The following PUS10 variants were observed in gnomAD, a reference collection of about 807,000 sequenced individuals.
PUS10 encodes tRNA pseudouridine synthase Pus10.
In PUS10, 59 loss-of-function variants were observed where a neutral mutation model predicts 75.0. The ratio of observed to expected loss-of-function variants is 0.79; its 90% CI spans 0.64 to 0.98. The LOEUF (loss-of-function observed/expected upper bound fraction) is 0.98. Among genes scored for constraint, PUS10 ranks in the 50% least tolerant of loss-of-function variants. The pLI is 0.00. For missense variants in PUS10, 650 were observed against 614.4 expected, an observed-to-expected ratio of 1.06 and a Z score of -0.61; for synonymous variants, 219 against 211.6, an observed-to-expected ratio of 1.03 and a Z score of -0.30.
At chr2:60,963,381 C>T (rs1676152924) in intron 8 of PUS10, among the ~76,000 whole-genome samples, 1 of 152,214 alleles carries the variant, frequency 6.6e-6, no homozygotes, top group African/African-American at 2.4e-5. Flanking sequence ...CCAGCCCTGG[C>T]ATCTAGCAAC....
intron 4 of PUS10, among the ~76,000 whole-genome samples, chr2:60,977,120 A>G (rs1227239879): frequency 6.6e-6 from 1 of 152,140 alleles, no homozygotes. Flanking sequence ...CACACACACC[A>G]TAGACCAGAA....
intron 15 of PUS10, among the ~76,000 whole-genome samples, chr2:60,948,479 C>T (rs1675128001): frequency 6.6e-6 from 1 of 152,150 alleles, no homozygotes; most frequent in Admixed American, 6.5e-5. Context: ...CTGCCCTCCT[C>T]AGCCTCCAAA....
At chr2:60,964,568 T>C (rs938725729) in intron 8 of PUS10, among the ~76,000 whole-genome samples, 3 of 152,206 alleles carry the variant, frequency 2.0e-5, no homozygotes, top group African/African-American at 7.2e-5. Flanking sequence ...AAAAATGCCC[T>C]TTTTGCAAAT....
chr2:60,976,269 C>T (rs1677027908), intron 4 of PUS10, among the ~76,000 whole-genome samples: 1 of 152,194 alleles, frequency 6.6e-6, no homozygotes, highest in African/African-American at 2.4e-5. Flanking sequence ...CAGATTTATA[C>T]CTTAAAAGAT....
Position 60,961,502 on chromosome 2 carries a change from G to C in PUS10, c.835C>G (p.Leu279Val). ...GCACCATGAGCACATTCAATTTCAA[G>C]AACAGCGCATACAGCCTTTGGTGAG... The part of the protein sequence containing the change: ...PNSPKAVCAV[L>V]EIECAHGAVF... Residue 279 changes from leucine (L) to valine (V), a missense_variant, in exon 10 of 18, where the codon CTT (leucine) becomes GTT (valine). Physicochemically the swap from Leu to Val is conservative, Grantham distance 32. Transcript: ENST00000316752. 1 of 1,614,036 alleles carries C rather than the reference G, an allele frequency of 6.2e-7. No homozygotes were observed. Among genetic ancestry groups the C allele is most frequent in the Non-Finnish European group, 8.5e-7 (1 of 1,179,940 alleles).
At chr2:61,002,579 C>T (rs1262307493) in intron 4 of PUS10, among the ~76,000 whole-genome samples, 1 of 152,206 alleles carries the variant, frequency 6.6e-6, no homozygotes, top group African/African-American at 2.4e-5. Context: ...TCCCAAGGAG[C>T]TGGGACCACA....
At chr2:60,987,594 A>G (rs557730353) in intron 4 of PUS10, among the ~76,000 whole-genome samples, 1 of 152,342 alleles carries the variant, frequency 6.6e-6, no homozygotes, top group Non-Finnish European at 1.5e-5. Context: ...AGCTATTCAT[A>G]TATCACCACT....
intron 4 of PUS10, among the ~76,000 whole-genome samples, chr2:60,987,925 G>GAA (rs1215812241): frequency 3.7e-5 from 5 of 135,154 alleles, no homozygotes; most frequent in Non-Finnish European, 4.8e-5. Context: ...TCTGTCTCAA[G>GAA]AAAAAAAAAA....
chr2:60,946,802 C>T (rs2104121958), intron 16 of PUS10, among the ~76,000 whole-genome samples: 1 of 150,766 alleles, frequency 6.6e-6, no homozygotes, highest in East Asian at 1.9e-4. Flanking sequence ...GTGATTAAAA[C>T]TTGCTTTTTT....
At position 60,966,309 on chromosome 2, in the gene PUS10, G is replaced by A. The variant is rs192650460; in HGVS notation, c.616-825C>T. 2.0e-5 allele frequency: 3 copies of A among 152,174 alleles called. No individual in the cohort carries two copies. In the East Asian group the frequency reaches 5.6e-4, roughly 29 times the overall value. The allele number at this position is 152,174 out of a possible 1,614,324, so 9.4% of individuals were successfully genotyped here. ...TGGAGAATATACAAAATTCCATATC[G>A]GGGAGGGGTCAGGGGCAGGAATAGC... On this transcript the variant is annotated intron_variant, in intron 6 of 17. Transcript: ENST00000316752.
chr2:61,000,096 C>T (rs925608982), intron 4 of PUS10, among the ~76,000 whole-genome samples: 2 of 152,126 alleles, frequency 1.3e-5, no homozygotes, highest in Non-Finnish European at 2.9e-5. Flanking sequence ...TATTTTCCAG[C>T]CTTGGCTTAA....
At position 61,008,826 on chromosome 2, in the gene PUS10, A is replaced by G. The variant is rs1176228898; in HGVS notation, c.316T>C (p.Leu106=). The change falls in exon 3 of 18, where the codon TTA becomes CTA. Residue 106 remains leucine, a synonymous_variant. Coordinates refer to ENST00000316752, the MANE Select transcript of PUS10 (RefSeq NM_144709.4). ...CCTAGGCATACATTACATACATTTA[A>G]ATTTGAGTTCTTGGAAGCAGTGCTT... ...VGSTASKNSN[L]NVCNVCLGIL... is the part of the protein sequence containing the mutation. 3 of 1,610,672 alleles carry G rather than the reference A, an allele frequency of 1.9e-6. No homozygotes were observed. The highest frequency in any genetic ancestry group is 1.7e-4 in the Middle Eastern group (1 of 6,050).
intron 15 of PUS10, among the ~76,000 whole-genome samples, chr2:60,948,989 G>A (rs1166528171): frequency 1.3e-5 from 2 of 151,898 alleles, no homozygotes; most frequent in East Asian, 1.9e-4. Flanking sequence ...CTTGAGTGCC[G>A]GAAGGCCTGC....
intron 4 of PUS10, among the ~76,000 whole-genome samples, chr2:60,983,625 C>T (rs1677543699): frequency 6.6e-6 from 1 of 151,098 alleles, no homozygotes; most frequent in South Asian, 2.1e-4. Flanking sequence ...TGCAGTGAGC[C>T]GAGATCGCAT....
chr2:60,998,661 A>T (rs1432536692), intron 4 of PUS10: 1 of 151,810 alleles, frequency 6.6e-6, no homozygotes, highest in Non-Finnish European at 1.5e-5. Context: ...CTGCACTCCA[A>T]TCTGGGTGAC....
In PUS10 at chr2:60,948,046, C is replaced by T. The variant is rs1430781392; in HGVS notation, c.1448G>A (p.Gly483Asp). The T allele has an allele frequency of 3.1e-6, 5 of 1,614,038 alleles. No homozygotes were observed. The highest frequency in any genetic ancestry group is 2.2e-5 in the East Asian group (1 of 44,864). Residue 483 changes from glycine (G) to aspartate (D), a missense_variant, in exon 16 of 18, where the codon GGC becomes GAC. Coordinates refer to ENST00000316752, the MANE Select transcript of PUS10 (RefSeq NM_144709.4). The part of the protein sequence containing the change: ...HFRLHLKTQA[G>D]TYIKEFVHGD... ...AGTGCAGCAGGTGGAAGGATACGTG[C>T]CAGCCTGAGTTTTCAAGTGGAGGCG...
chr2:60,990,900 A>C (rs1435550697), intron 4 of PUS10, among the ~76,000 whole-genome samples: 4 of 152,136 alleles, frequency 2.6e-5, no homozygotes, highest in Non-Finnish European at 4.4e-5. Context: ...GCACACCACC[A>C]AGCCCAGATA....
intron 6 of PUS10, 117 bp downstream of exon 6, chr2:60,967,385 A>T (rs988254882): frequency 7.6e-6 from 5 of 654,402 alleles, no homozygotes; most frequent in Non-Finnish European, 1.3e-5. Context: ...AAGCTTAAAA[A>T]ATCCTTCACT....
At chr2:61,010,434 C>A in intron 2 of PUS10, 1 of 195,732 alleles carries the variant, frequency 5.1e-6, no homozygotes, top group South Asian at 9.9e-5. Context: ...TCAAGCAATT[C>A]TCCTGCCTCA....
Sources: allele counts gnomAD v4.1 joint callset (sites outside exome capture counted in the v4.1 genomes callset), GRCh38; gene constraint gnomAD v4.1.1; transcripts MANE v1.5; gene names NCBI Gene and HGNC (gene_info 2026-07-23, HGNC 2026-07-21).